Variants in EPDR1 observed in about 807,000 individuals in gnomAD.
EPDR1 encodes the protein ependymin related 1.
Under a neutral mutation model 23.7 loss-of-function variants are expected in EPDR1, and 27 were observed. That is an observed-to-expected ratio of 1.14 (90% CI 0.84 to 1.57). The LOEUF (loss-of-function observed/expected upper bound fraction) is 1.57. EPDR1 is among the 40% of genes most tolerant of loss of function. The probability of loss-of-function intolerance (pLI) is 0.00; values close to 1 mark genes in which losing one functional copy is unlikely to be tolerated. For missense variants in EPDR1, 349 were observed against 290.4 expected (o/e 1.20, Z -1.47); for synonymous variants, 137 against 118.2 (o/e 1.16, Z -1.03).
chr7:37,932,280 T>A (rs1785960260), intron 1 of EPDR1, among the ~76,000 whole-genome samples: 1 of 152,166 alleles, frequency 6.6e-6, no homozygotes, highest in African/African-American at 2.4e-5. Flanking sequence ...GACTGCATTT[T>A]TAATTTCTAA....
intron 1 of EPDR1, among the ~76,000 whole-genome samples, chr7:37,945,578 GC>G (rs1236578493): frequency 2.6e-5 from 4 of 152,174 alleles, no homozygotes; most frequent in Non-Finnish European, 5.9e-5. Context: ...AACTTCCATT[GC>G]CTAGTGACCT....
intron 1 of EPDR1, among the ~76,000 whole-genome samples, chr7:37,942,974 C>T (rs914463257): frequency 3.3e-5 from 5 of 152,156 alleles, no homozygotes; most frequent in South Asian, 2.1e-4. Flanking sequence ...CAAAACAGGC[C>T]GCTGGCCCGT....
intron 2 of EPDR1, among the ~76,000 whole-genome samples, chr7:37,949,328 C>T (rs542944251): frequency 1.3e-5 from 2 of 152,284 alleles, no homozygotes; most frequent in Admixed American, 1.3e-4. Flanking sequence ...GTCCCGAGGT[C>T]TGTGACATGG....
intron 1 of EPDR1, among the ~76,000 whole-genome samples, chr7:37,941,205 A>G (rs988362310): frequency 6.6e-5 from 10 of 152,246 alleles, no homozygotes; most frequent in African/African-American, 2.4e-4. Context: ...GATGTCATTT[A>G]CTATACCATT....
rs141000221 is a variant in EPDR1 at position 37,921,162 on chromosome 7, C to A, written c.223C>A (p.Arg75Ser). Residue 75 changes from arginine (R) to serine (S), a missense_variant, in exon 1 of 3, where the codon CGC (arginine) becomes AGC (serine). Arg to Ser is a moderately radical substitution (Grantham distance 110, BLOSUM62 -1). Transcript: ENST00000199448. The stretch of plus-strand genomic sequence containing the variant: ...GCTCTCCTACGACGGGCTCAACCAG[C>A]GCGTGCGGGTGCTGGACGAGAGGAA... ...ALLSYDGLNQ[R>S]VRVLDERKAL... The A allele has an allele frequency of 6.9e-6, 11 of 1,594,744 alleles. No homozygotes were observed. The African/African-American group carries it at 9.4e-5, about 14-fold the overall frequency.
chr7:37,932,405 G>A (rs1162212924), intron 1 of EPDR1, among the ~76,000 whole-genome samples: 1 of 152,120 alleles, frequency 6.6e-6, no homozygotes, highest in Non-Finnish European at 1.5e-5. Flanking sequence ...CCAAGTATCT[G>A]GGACCACAGG....
At chr7:37,934,287 T>C (rs1384753691) in intron 1 of EPDR1, among the ~76,000 whole-genome samples, 2 of 152,156 alleles carry the variant, frequency 1.3e-5, no homozygotes, top group African/African-American at 2.4e-5. Flanking sequence ...ACTCTGCCAT[T>C]CTTAGCATGA....
intron 1 of EPDR1, among the ~76,000 whole-genome samples, chr7:37,927,260 C>A (rs1380642624): frequency 6.6e-6 from 1 of 152,228 alleles, no homozygotes; most frequent in Non-Finnish European, 1.5e-5. Flanking sequence ...CCCACACACA[C>A]TCATACATAT....
chr7:37,929,082 G>A lies in EPDR1; in HGVS notation c.269+7874G>A, dbSNP rs1162244097. Among the ~76,000 whole-genome samples, 6 of 152,082 alleles carry A rather than the reference G, an allele frequency of 3.9e-5. No homozygotes were observed. In the East Asian group the frequency reaches 1.2e-3, roughly 29 times the overall value. On this transcript the variant is annotated intron_variant, in intron 1 of 2. Transcript: ENST00000199448. ...CTGGCCTCAGCACGCTGACCCCATT[G>A]GCACTTGAATCTGTCATTCCCTCTG... is the stretch of plus-strand genomic sequence containing the variant.
chr7:37,928,967 T>G (rs1024975636), intron 1 of EPDR1, among the ~76,000 whole-genome samples: 1 of 152,112 alleles, frequency 6.6e-6, no homozygotes, highest in African/African-American at 2.4e-5. Context: ...GGGGTTCTCT[T>G]GAAAATACGT....
intron 1 of EPDR1, among the ~76,000 whole-genome samples, chr7:37,934,849 G>A (rs1245269344): frequency 6.6e-6 from 1 of 152,088 alleles, no homozygotes; most frequent in Non-Finnish European, 1.5e-5. Flanking sequence ...GGAGGCTGGG[G>A]CAGGAAGATT....
chr7:37,921,181 A>C lies in EPDR1; in HGVS notation c.242A>C (p.Glu81Ala). The C allele has an allele frequency of 6.3e-7, 1 of 1,591,804 alleles. No individual in the cohort carries two copies. Among genetic ancestry groups the C allele is most frequent in the Non-Finnish European group, 8.5e-7 (1 of 1,177,312 alleles). ...GLNQRVRVLD[E>A]RKALIPCKRL... Reference sequence around the variant, plus strand: ...AACCAGCGCGTGCGGGTGCTGGACGAGAGGAAGGCGCTGATCCCCTGCAAG... The same window carrying C: ...AACCAGCGCGTGCGGGTGCTGGACGCGAGGAAGGCGCTGATCCCCTGCAAG... The change falls in exon 1 of 3, where the codon GAG becomes GCG. Residue 81 changes from glutamate to alanine, a missense_variant. By Grantham distance (107) the Glu-to-Ala change is moderately radical (BLOSUM62 -1). Coordinates refer to ENST00000199448, the MANE Select transcript of EPDR1 (RefSeq NM_017549.5).
chr7:37,936,042 A>G (rs1210712634), intron 1 of EPDR1, among the ~76,000 whole-genome samples: 6 of 128,764 alleles, frequency 4.7e-5, no homozygotes, highest in African/African-American at 1.5e-4. Flanking sequence ...ATATATATAC[A>G]CAAGGGAAAT....
intron 1 of EPDR1, among the ~76,000 whole-genome samples, chr7:37,934,746 C>A (rs1260325011): frequency 1.3e-5 from 2 of 152,112 alleles, no homozygotes; most frequent in Non-Finnish European, 2.9e-5. Flanking sequence ...GAGTTTGAGA[C>A]CACCCTGGGT....
Position 37,950,565 on chromosome 7 carries a change from C to A in EPDR1, c.*169C>A. 1.5e-6 allele frequency: 1 copy of A among 678,116 alleles called. No homozygotes were observed. The highest frequency in any genetic ancestry group is 2.4e-6 in the Non-Finnish European group (1 of 413,968). The allele number at this position is 678,116 out of a possible 1,614,324, so 42.0% of individuals were successfully genotyped here. A position where few individuals can be genotyped will look rare whatever the true frequency, so the allele number is the denominator to read the frequency against. ...GTGTCTGATTTTGACTACTCAAGCT[C>A]TGTTTACAGAAGAAAATTGAATGGC... On this transcript the variant is annotated 3_prime_UTR_variant, in exon 3 of 3. Coordinates refer to ENST00000199448, the MANE Select transcript of EPDR1 (RefSeq NM_017549.5).
chr7:37,941,951 A>C (rs1786178426), intron 1 of EPDR1, among the ~76,000 whole-genome samples: 1 of 152,152 alleles, frequency 6.6e-6, no homozygotes, highest in Admixed American at 6.5e-5. Flanking sequence ...GCAGACATAA[A>C]AGTGGTCATT....
chr7:37,943,016 G>A (rs1191955083), intron 1 of EPDR1, among the ~76,000 whole-genome samples: 2 of 152,214 alleles, frequency 1.3e-5, no homozygotes, highest in Non-Finnish European at 2.9e-5. Flanking sequence ...GGAGAGCTTG[G>A]CCTTCTGAGC....
chr7:37,951,142 T>A lies in EPDR1; in HGVS notation c.*746T>A, dbSNP rs1786398582. ...TTTTTTCTATGCAAGAGTATTGATG[T>A]ATGTGCTGAATCTTCACAGACTTGT... On this transcript the variant is annotated 3_prime_UTR_variant, in exon 3 of 3. Coordinates refer to ENST00000199448, the MANE Select transcript of EPDR1 (RefSeq NM_017549.5). 6.6e-6 allele frequency: 1 copy of A among 152,196 alleles called. No homozygotes were observed. The highest frequency in any genetic ancestry group is 2.4e-5 in the African/African-American group (1 of 41,440). 9.4% of individuals were successfully genotyped at this position (152,196 alleles called of 1,614,324 possible).
In EPDR1 at chr7:37,936,280, G is replaced by A. The variant is rs563827479; in HGVS notation, c.270-12560G>A. Among the ~76,000 whole-genome samples the A allele has an allele frequency of 1.2e-3, 179 of 151,944 alleles. 1 individual carries two copies. The highest frequency in any genetic ancestry group is 4.2e-3 in the African/African-American group (175 of 41,494). On this transcript the variant is annotated intron_variant, in intron 1 of 2. Transcript: ENST00000199448. ...GCCTTAGTCTGGCAGAAAGGCAGTT[G>A]ATAACATTCAACAAACATTCATAAT...
Sources: allele counts gnomAD v4.1 joint callset (sites outside exome capture counted in the v4.1 genomes callset), GRCh38; gene constraint gnomAD v4.1.1; transcripts MANE v1.5; gene names NCBI Gene and HGNC (gene_info 2026-07-23, HGNC 2026-07-21).